The following SLC10A7 variants were observed in gnomAD, a reference collection of about 807,000 sequenced individuals.
The protein encoded by SLC10A7 is solute carrier family 10 member 7.
Under a neutral mutation model 43.2 loss-of-function variants are expected in SLC10A7, and 29 were observed. The observed-to-expected ratio is 0.67, with a 90% CI of 0.50 to 0.92. The LOEUF is 0.92. SLC10A7 is among the 40% of genes least tolerant of loss of function. The pLI, the probability that SLC10A7 is intolerant of heterozygous loss-of-function variation, is 0.00. For missense variants in SLC10A7, 295 were observed against 403.2 expected (o/e 0.73, Z 2.30); for synonymous variants, 152 against 144.8 (o/e 1.05, Z -0.35).
intron 4 of SLC10A7, among the ~76,000 whole-genome samples, chr4:146,462,788 G>A (rs929629036): frequency 1.3e-5 from 2 of 152,012 alleles, no homozygotes; most frequent in South Asian, 2.1e-4. Context: ...GCTGAACAAC[G>A]GTGTGTAAGT....
chr4:146,290,284 A>G (rs1370444250), intron 9 of SLC10A7, among the ~76,000 whole-genome samples: 2 of 143,938 alleles, frequency 1.4e-5, no homozygotes, highest in East Asian at 4.3e-4. Context: ...AGATTGTGCC[A>G]CTGCACTCCA....
chr4:146,462,278 C>T (rs1732613395), intron 4 of SLC10A7, among the ~76,000 whole-genome samples: 1 of 151,826 alleles, frequency 6.6e-6, no homozygotes, highest in Non-Finnish European at 1.5e-5. Flanking sequence ...AAAATCATAG[C>T]TGATGTTTAA....
At chr4:146,351,636 G>A (rs1416557818) in intron 5 of SLC10A7, among the ~76,000 whole-genome samples, 5 of 152,016 alleles carry the variant, frequency 3.3e-5, no homozygotes, top group African/African-American at 4.8e-5. Flanking sequence ...AGCCAGAGAG[G>A]AAGGTCGGGT....
intron 5 of SLC10A7, among the ~76,000 whole-genome samples, chr4:146,437,512 C>CT (rs1156338542): frequency 6.6e-6 from 1 of 151,988 alleles, no homozygotes; most frequent in East Asian, 1.9e-4. Flanking sequence ...AAAATAAAAA[C>CT]TTTTTTATAA....
intron 4 of SLC10A7, among the ~76,000 whole-genome samples, chr4:146,454,599 T>C (rs1731890956): frequency 6.6e-6 from 1 of 151,870 alleles, no homozygotes; most frequent in South Asian, 2.1e-4. Flanking sequence ...GTAAATGGAA[T>C]TATGAATATT....
intron 5 of SLC10A7, among the ~76,000 whole-genome samples, chr4:146,378,231 C>A (rs1044700534): frequency 1.3e-5 from 2 of 152,202 alleles, no homozygotes; most frequent in Admixed American, 6.5e-5. Flanking sequence ...CAAAAAAGGG[C>A]ATGAATCTGC....
rs1222269848 is a variant in SLC10A7, at chr4:146,506,913, TA to T, written c.321-2990del. On this transcript the variant is annotated intron_variant, in intron 3 of 11. Transcript: ENST00000335472. The stretch of plus-strand genomic sequence containing the variant: ...ACTGCCACTCTAAACTAAGCATGTC[TA>T]ATATTGTATTTATATATTTGTTTTC... 3.9e-5 allele frequency among the ~76,000 whole-genome samples: 6 copies of T among 152,234 alleles called. No homozygotes were observed. In the East Asian group the frequency reaches 1.2e-3, roughly 29 times the overall value.
At position 146,326,933 on chromosome 4, in the gene SLC10A7, C is replaced by T. The variant is rs28654190; in HGVS notation, c.436-937G>A. Among the ~76,000 whole-genome samples, 578 of 82,808 alleles carry T rather than the reference C, an allele frequency of 7.0e-3. 6 individuals are homozygous for T. Among genetic ancestry groups the T allele is most frequent in the African/African-American group, 0.021 (329 of 15,754 alleles). The allele number at this position is 82,808 out of a possible 152,430, so 54.3% of individuals were successfully genotyped here. ...AGAGGGACAGACACACACACACACACACACACACACACACACACACACACA... is the reference window on the plus strand; with the variant it reads ...AGAGGGACAGACACACACACACACATACACACACACACACACACACACACA... On this transcript the variant is annotated intron_variant, in intron 5 of 11. Transcript: ENST00000335472.
chr4:146,413,991 C>G (rs1172834434), intron 5 of SLC10A7, among the ~76,000 whole-genome samples: 1 of 152,120 alleles, frequency 6.6e-6, no homozygotes, highest in African/African-American at 2.4e-5. Context: ...AGAACAAGCT[C>G]ACTATACTTC....
intron 7 of SLC10A7, among the ~76,000 whole-genome samples, chr4:146,296,657 A>G (rs749311604): frequency 1.4e-4 from 22 of 152,294 alleles, no homozygotes; most frequent in Non-Finnish European, 2.2e-4. Context: ...TCTTATTGTG[A>G]TATTTGTCTA....
At chr4:146,277,845 ATTT>A (rs1729306189) in intron 10 of SLC10A7, among the ~76,000 whole-genome samples, 1 of 8,552 alleles carries the variant, frequency 1.2e-4, no homozygotes, top group Non-Finnish European at 1.5e-4. Flanking sequence ...ATAACTTTTT[ATTT>A]TATTAATAAT....
At chr4:146,500,980 A>G (rs527628813) in intron 4 of SLC10A7, among the ~76,000 whole-genome samples, 13 of 152,290 alleles carry the variant, frequency 8.5e-5, no homozygotes, top group Non-Finnish European at 1.8e-4. Flanking sequence ...ACTTTTTCAC[A>G]TGGCTTCCAG....
chr4:146,348,334 T>C (rs1734772523), intron 5 of SLC10A7, among the ~76,000 whole-genome samples: 1 of 152,184 alleles, frequency 6.6e-6, no homozygotes, highest in African/African-American at 2.4e-5. Flanking sequence ...TTCCCTATTA[T>C]ACCAAACACA....
intron 4 of SLC10A7, among the ~76,000 whole-genome samples, chr4:146,459,828 A>G (rs1338029289): frequency 6.6e-6 from 1 of 151,942 alleles, no homozygotes; most frequent in Non-Finnish European, 1.5e-5. Flanking sequence ...CATAAAATTA[A>G]AAATGGATAA....
Position 146,425,097 on chromosome 4 carries a change from C to T in SLC10A7, c.435+17686G>A, listed in dbSNP as rs72952594. Reference sequence around the variant, plus strand: ...AAGAAAAATGTTTAAGTGCTGGATACTTAACTAACTAGTATCTTAACAACA... The same window carrying T: ...AAGAAAAATGTTTAAGTGCTGGATATTTAACTAACTAGTATCTTAACAACA... On this transcript the variant is annotated intron_variant, in intron 5 of 11. Transcript: ENST00000335472. Among the ~76,000 whole-genome samples, 1,308 of 152,180 alleles carry T rather than the reference C, an allele frequency of 8.6e-3. 20 individuals are homozygous for T. The highest frequency in any genetic ancestry group is 0.03 in the African/African-American group (1,237 of 41,518).
In SLC10A7 at chr4:146,339,937, C is replaced by T. The variant is rs141558613; in HGVS notation, c.436-13941G>A. Among the ~76,000 whole-genome samples the T allele has an allele frequency of 1.2e-3, 182 of 151,350 alleles. 1 individual carries two copies. The East Asian group carries it at 0.02, about 17-fold the overall frequency. On this transcript the variant is annotated intron_variant, in intron 5 of 11. Coordinates refer to ENST00000335472, the MANE Select transcript of SLC10A7 (RefSeq NM_001029998.6). ...AACCCATCATCTAGGTTTTAAGCTC[C>T]GCATGCATTAGATATTTGTCCTAAT...
chr4:146,478,542 T>C (rs1463888496), intron 4 of SLC10A7, among the ~76,000 whole-genome samples: 2 of 152,140 alleles, frequency 1.3e-5, no homozygotes, highest in Non-Finnish European at 2.9e-5. Context: ...TGGGGAAAAA[T>C]ACAAATCAGA....
rs533401592 is a variant in SLC10A7, at chr4:146,454,733, T to C, written c.397-11912A>G. On this transcript the variant is annotated intron_variant, in intron 4 of 11. Coordinates refer to ENST00000335472, the MANE Select transcript of SLC10A7 (RefSeq NM_001029998.6). ...GCTCAATGTCTGACTAAAAATTGAATGAATTGAAGATAATACCAAAAGGAA... is the reference window on the plus strand; with the variant it reads ...GCTCAATGTCTGACTAAAAATTGAACGAATTGAAGATAATACCAAAAGGAA... Among the ~76,000 whole-genome samples the C allele has an allele frequency of 5.3e-5, 8 of 151,986 alleles. No homozygotes were observed. The South Asian group carries it at 1.7e-3, about 32-fold the overall frequency.
chr4:146,378,980 G>A (rs1224894520), intron 5 of SLC10A7, among the ~76,000 whole-genome samples: 1 of 151,950 alleles, frequency 6.6e-6, no homozygotes, highest in Non-Finnish European at 1.5e-5. Context: ...CCCTTTCCAG[G>A]CCCACAAACA....
Sources: allele counts gnomAD v4.1 joint callset (sites outside exome capture counted in the v4.1 genomes callset), GRCh38; gene constraint gnomAD v4.1.1; transcripts MANE v1.5; gene names NCBI Gene and HGNC (gene_info 2026-07-23, HGNC 2026-07-21).